Variants in ZC3H12B observed in about 807,000 individuals in gnomAD.
ZC3H12B encodes zinc finger CCCH-type containing 12B.
In ZC3H12B, 7 loss-of-function variants were observed where a neutral mutation model predicts 43.9. The ratio of observed to expected loss-of-function variants is 0.16; its 90% CI spans 0.09 to 0.30. The LOEUF (loss-of-function observed/expected upper bound fraction) is 0.30. Ranked by LOEUF, ZC3H12B falls within the 10% of genes least tolerant of loss-of-function variation. The pLI is 1.00. For missense variants in ZC3H12B, 475 were observed against 670.2 expected (o/e 0.71, Z 3.22); for synonymous variants, 222 against 241.7 (o/e 0.92, Z 0.76).
the ZC3H12B span, among the ~76,000 whole-genome samples, chrX:65,212,144 T>C: frequency 1.9e-5 from 1 of 53,884 alleles, no homozygotes; most frequent in African/African-American, 7.8e-5. Flanking sequence ...TATATTATAT[T>C]AACATTATAT....
chrX:65,457,509 C>A (rs2067645779), intron 3 of ZC3H12B, among the ~76,000 whole-genome samples: 1 of 90,853 alleles, frequency 1.1e-5, no homozygotes, highest in Admixed American at 1.1e-4. Context: ...TTCCCGGCCG[C>A]CCCTACTGGG....
chrX:65,372,570 CAT>C (rs936565288), intron 2 of ZC3H12B, among the ~76,000 whole-genome samples: 5 of 86,116 alleles, frequency 5.8e-5, no homozygotes, highest in Non-Finnish European at 1.1e-4. Flanking sequence ...TGAATGCGGA[CAT>C]ATTTTAAGAA....
chrX:65,182,570 A>C, the ZC3H12B span, among the ~76,000 whole-genome samples: 1 of 111,030 alleles, frequency 9.0e-6, no homozygotes, highest in African/African-American at 3.3e-5. Flanking sequence ...AAAATTAAGA[A>C]ATATGATCCA....
chrX:65,439,286 T>A (rs1380592381), intron 3 of ZC3H12B, among the ~76,000 whole-genome samples: 1 of 111,949 alleles, frequency 8.9e-6, no homozygotes, highest in Non-Finnish European at 1.9e-5. Context: ...TATACCACCA[T>A]GGTTCTAGAT....
chrX:65,247,179 C>T, the ZC3H12B span, among the ~76,000 whole-genome samples: 1 of 111,928 alleles, frequency 8.9e-6, no homozygotes, highest in Admixed American at 9.5e-5. Context: ...AAATCAAAAC[C>T]GCAATGAAGG....
the ZC3H12B span, among the ~76,000 whole-genome samples, chrX:65,253,777 C>T: frequency 2.8e-3 from 309 of 112,008 alleles, 1 homozygote; most frequent in Non-Finnish European, 5.3e-3. Flanking sequence ...AGAGCTCCAG[C>T]AGAGTGGCCC....
At chrX:65,436,668 T>C (rs1272383654) in intron 3 of ZC3H12B, among the ~76,000 whole-genome samples, 1 of 111,801 alleles carries the variant, frequency 8.9e-6, no homozygotes, top group Non-Finnish European at 1.9e-5. Flanking sequence ...TTCTTGGCCC[T>C]TCACTTTTTA....
chrX:65,492,202 C>A (rs1363471224), intron 1 of ZC3H12B, among the ~76,000 whole-genome samples: 1 of 111,472 alleles, frequency 9.0e-6, no homozygotes, highest in African/African-American at 3.3e-5. Context: ...TTGAGAAGAA[C>A]CTAAGGCATT....
the ZC3H12B span, among the ~76,000 whole-genome samples, chrX:65,280,247 A>T: frequency 1.8e-5 from 2 of 112,760 alleles, no homozygotes; most frequent in African/African-American, 3.2e-5. Flanking sequence ...GGTTTAAAAC[A>T]TGCAAATCAA....
intron 3 of ZC3H12B, among the ~76,000 whole-genome samples, chrX:65,417,726 C>A (rs1397217812): frequency 8.8e-6 from 1 of 113,062 alleles, no homozygotes; most frequent in African/African-American, 3.2e-5. Flanking sequence ...GTAATCCCAG[C>A]CTTTTTGCGT....
At chrX:65,066,206 TGGA>T in the ZC3H12B span, among the ~76,000 whole-genome samples, 1 of 110,860 alleles carries the variant, frequency 9.0e-6, no homozygotes, top group Non-Finnish European at 1.9e-5. Context: ...TGTGACCCTT[TGGA>T]GGAGAAGAGG....
the ZC3H12B span, among the ~76,000 whole-genome samples, chrX:65,260,313 T>A: frequency 7.4e-5 from 8 of 107,940 alleles, no homozygotes; most frequent in Non-Finnish European, 1.4e-4. Context: ...AAAAAAAAAA[T>A]AAAATACCTA....
chrX:65,109,056 G>T, the ZC3H12B span, among the ~76,000 whole-genome samples: 5 of 111,559 alleles, frequency 4.5e-5, no homozygotes, highest in Non-Finnish European at 9.4e-5. Flanking sequence ...GTACTTCAGG[G>T]TTAATTCAGG....
At chrX:65,348,045 G>T in the ZC3H12B span, among the ~76,000 whole-genome samples, 1 of 109,162 alleles carries the variant, frequency 9.2e-6, no homozygotes, top group Non-Finnish European at 1.9e-5. Flanking sequence ...AGAACACTTG[G>T]ACACAGGAAG....
the ZC3H12B span, among the ~76,000 whole-genome samples, chrX:65,281,447 A>C: frequency 9.0e-6 from 1 of 110,586 alleles, no homozygotes; most frequent in Admixed American, 9.7e-5. Flanking sequence ...ATTGGTTTTG[A>C]ACTCCTGGCC....
chrX:65,211,368 C>T, the ZC3H12B span, among the ~76,000 whole-genome samples: 2 of 108,723 alleles, frequency 1.8e-5, no homozygotes, highest in South Asian at 3.8e-4. Flanking sequence ...AATAAAATAA[C>T]ATAAAAAACC....
intron 2 of ZC3H12B, among the ~76,000 whole-genome samples, chrX:65,387,683 A>T (rs2066548351): frequency 8.9e-6 from 1 of 111,856 alleles, no homozygotes; most frequent in African/African-American, 3.2e-5. Flanking sequence ...TCCTGTCATT[A>T]TGATGTTAGC....
At chrX:65,190,224 G>C in the ZC3H12B span, among the ~76,000 whole-genome samples, 6 of 110,294 alleles carry the variant, frequency 5.4e-5, no homozygotes, top group African/African-American at 1.7e-4. Flanking sequence ...TTTGAAGTCA[G>C]GTAGTGTGAT....
chrX:65,295,587 C>A, the ZC3H12B span, among the ~76,000 whole-genome samples: 3 of 109,241 alleles, frequency 2.7e-5, no homozygotes, highest in Non-Finnish European at 5.7e-5. Context: ...TTGAAACAAA[C>A]AAAAAAAGGA....
Sources: allele counts gnomAD v4.1 joint callset (sites outside exome capture counted in the v4.1 genomes callset), GRCh38; gene constraint gnomAD v4.1.1; transcripts MANE v1.5; gene names NCBI Gene and HGNC (gene_info 2026-07-23, HGNC 2026-07-21).